Variants in ATP8A2 observed in about 807,000 individuals in gnomAD.
The protein encoded by ATP8A2 is phospholipid-transporting ATPase IB.
In ATP8A2, 100 loss-of-function variants were observed where a neutral mutation model predicts 165.6. That is an observed-to-expected ratio of 0.60 (90% CI 0.51 to 0.71). The LOEUF (loss-of-function observed/expected upper bound fraction) is 0.71. Among genes scored for constraint, ATP8A2 ranks in the 30% least tolerant of loss-of-function variants. The pLI, the probability that ATP8A2 is intolerant of heterozygous loss-of-function variation, is 0.00. For missense variants in ATP8A2, 1,227 were observed against 1,479.5 expected, an observed-to-expected ratio of 0.83 and a Z score of 2.80; for synonymous variants, 543 against 548.8, an observed-to-expected ratio of 0.99 and a Z score of 0.15.
intron 1 of ATP8A2, among the ~76,000 whole-genome samples, chr13:25,451,115 G>A (rs913588417): frequency 1.3e-4 from 20 of 152,146 alleles, no homozygotes; most frequent in African/African-American, 3.9e-4. Context: ...AGGTTGTCTC[G>A]TAGGTCACCG....
intron 24 of ATP8A2, among the ~76,000 whole-genome samples, chr13:25,650,308 AG>A (rs1367688201): frequency 6.6e-6 from 1 of 152,106 alleles, no homozygotes; most frequent in East Asian, 1.9e-4. Context: ...TTTGTGGGGT[AG>A]GGGGGTAGTG....
intron 35 of ATP8A2, among the ~76,000 whole-genome samples, chr13:26,005,799 C>A (rs896899580): frequency 3.3e-5 from 5 of 152,098 alleles, no homozygotes; most frequent in African/African-American, 1.2e-4. Flanking sequence ...GTCTTCACAT[C>A]CATGTCAAAA....
chr13:25,785,053 C>T (rs1342892645), intron 27 of ATP8A2, among the ~76,000 whole-genome samples: 2 of 151,714 alleles, frequency 1.3e-5, no homozygotes, highest in Non-Finnish European at 2.9e-5. Context: ...ATGAGCCACA[C>T]GTGGCCTACA....
At chr13:25,810,895 C>A (rs187181678) in intron 27 of ATP8A2, among the ~76,000 whole-genome samples, 2 of 152,122 alleles carry the variant, frequency 1.3e-5, no homozygotes, top group Admixed American at 1.3e-4. Flanking sequence ...GATGAACTTT[C>A]CAGTTTTTTT....
At chr13:25,964,361 T>G (rs1955727633) in intron 34 of ATP8A2, among the ~76,000 whole-genome samples, 1 of 152,234 alleles carries the variant, frequency 6.6e-6, no homozygotes, top group Non-Finnish European at 1.5e-5. Flanking sequence ...TTCAGTTTAT[T>G]GGTGCATTTT....
chr13:25,445,245 A>C (rs1394508275), intron 1 of ATP8A2, among the ~76,000 whole-genome samples: 1 of 152,210 alleles, frequency 6.6e-6, no homozygotes, highest in Non-Finnish European at 1.5e-5. Flanking sequence ...AATGATTTTA[A>C]AGGTATTAAT....
At position 25,829,668 on chromosome 13, in the gene ATP8A2, GTATATATATATATATATATATATA is replaced by G. The variant is rs71080203; in HGVS notation, c.2754+1506_2754+1529del. On this transcript the variant is annotated intron_variant, in intron 28 of 36. Transcript: ENST00000381655. ...TGTTGTAGAGCCAAGGACAGGTGTG[GTATATATATATATATATATATATA>G]TATATATATATATATATATATATAT... is the stretch of plus-strand genomic sequence containing the variant. 3.6e-3 allele frequency among the ~76,000 whole-genome samples: 226 copies of G among 63,418 alleles called. 5 individuals carry two copies. Among genetic ancestry groups the G allele is most frequent in the African/African-American group, 0.01 (163 of 16,102 alleles). 41.6% of individuals were successfully genotyped at this position (63,418 alleles called of 152,430 possible). A position where few individuals can be genotyped will look rare whatever the true frequency, so the allele number is the denominator to read the frequency against.
intron 24 of ATP8A2, among the ~76,000 whole-genome samples, chr13:25,694,775 A>G (rs2042800659): frequency 6.6e-6 from 1 of 152,154 alleles, no homozygotes; most frequent in Non-Finnish European, 1.5e-5. Context: ...GGTTCAAGCG[A>G]TCTTTGCACC....
chr13:25,757,837 G>A (rs375867698), intron 25 of ATP8A2, among the ~76,000 whole-genome samples: 3 of 151,976 alleles, frequency 2.0e-5, no homozygotes, highest in Non-Finnish European at 2.9e-5. Context: ...CAATCCAAGC[G>A]GTTGTGTGTC....
At chr13:25,541,845 C>T in intron 8 of ATP8A2, 74 bp from the exon 9 acceptor site, 1 of 1,540,492 alleles carries the variant, frequency 6.5e-7, no homozygotes, top group African/African-American at 1.4e-5. Flanking sequence ...TTTTGATTAA[C>T]CATAGGGATG....
At chr13:25,486,913 C>G (rs921670414) in intron 2 of ATP8A2, among the ~76,000 whole-genome samples, 2 of 152,154 alleles carry the variant, frequency 1.3e-5, no homozygotes, top group Non-Finnish European at 2.9e-5. Context: ...TTAAAGTGAG[C>G]TGAGATTGCA....
At chr13:25,473,698 G>A (rs905898173) in intron 2 of ATP8A2, among the ~76,000 whole-genome samples, 2 of 151,704 alleles carry the variant, frequency 1.3e-5, no homozygotes, top group African/African-American at 2.4e-5. Flanking sequence ...CACCCCTAAG[G>A]AACCACAAAT....
intron 24 of ATP8A2, among the ~76,000 whole-genome samples, chr13:25,682,052 C>T (rs1276353859): frequency 1.3e-5 from 2 of 152,126 alleles, no homozygotes; most frequent in South Asian, 4.1e-4. Flanking sequence ...AACAAAATTA[C>T]TGTGTATCCA....
intron 1 of ATP8A2, among the ~76,000 whole-genome samples, chr13:25,431,697 C>G (rs938786596): frequency 1.3e-5 from 2 of 152,094 alleles, no homozygotes; most frequent in African/African-American, 4.8e-5. Flanking sequence ...TTTTTTAAAG[C>G]TTACCTCTTG....
intron 33 of ATP8A2, among the ~76,000 whole-genome samples, chr13:25,917,117 G>A (rs1479015672): frequency 1.3e-5 from 2 of 152,186 alleles, no homozygotes; most frequent in Non-Finnish European, 2.9e-5. Context: ...CCCATGCCTG[G>A]TAGTAACCTC....
At chr13:25,800,017 T>C (rs1330429599) in intron 27 of ATP8A2, among the ~76,000 whole-genome samples, 4 of 152,248 alleles carry the variant, frequency 2.6e-5, no homozygotes, top group African/African-American at 9.6e-5. Context: ...CTCACATTTA[T>C]TGGGCCTTTT....
At chr13:25,442,403 C>T (rs2034955230) in intron 1 of ATP8A2, among the ~76,000 whole-genome samples, 1 of 152,150 alleles carries the variant, frequency 6.6e-6, no homozygotes, top group East Asian at 1.9e-4. Flanking sequence ...TACTCCACAA[C>T]ACTTGTTATT....
intron 2 of ATP8A2, among the ~76,000 whole-genome samples, chr13:25,494,565 G>A (rs533073892): frequency 3.3e-5 from 5 of 152,116 alleles, no homozygotes; most frequent in African/African-American, 4.8e-5. Flanking sequence ...TTGTTTGCCT[G>A]CTTGTTTGTT....
intron 24 of ATP8A2, among the ~76,000 whole-genome samples, chr13:25,604,440 T>C (rs1166242110): frequency 1.3e-5 from 2 of 152,228 alleles, no homozygotes; most frequent in Non-Finnish European, 1.5e-5. Context: ...TGAGTTTTGC[T>C]GAAACTTCTT....
Sources: allele counts gnomAD v4.1 joint callset (sites outside exome capture counted in the v4.1 genomes callset), GRCh38; gene constraint gnomAD v4.1.1; transcripts MANE v1.5; gene names NCBI Gene and HGNC (gene_info 2026-07-23, HGNC 2026-07-21).